The following USP10 variants were observed in gnomAD, a reference collection of about 807,000 sequenced individuals.
USP10 encodes ubiquitin specific peptidase 10.
A neutral mutation model predicts 84.5 loss-of-function variants in USP10; 22 were observed. The observed-to-expected ratio is 0.26, with a 90% CI of 0.19 to 0.37. The LOEUF is 0.37. USP10 is among the 10% of genes least tolerant of loss of function. The pLI is 1.00. For synonymous variants in USP10, 454 were observed against 387.6 expected, an observed-to-expected ratio of 1.17 and a Z score of -2.01; for missense variants, 1,019 against 998.9, an observed-to-expected ratio of 1.02 and a Z score of -0.27.
At chr16:84,760,842 G>C (rs1346597992) in intron 8 of USP10, among the ~76,000 whole-genome samples, 4 of 152,138 alleles carry the variant, frequency 2.6e-5, no homozygotes, top group African/African-American at 9.7e-5. Flanking sequence ...CCGTTAACTG[G>C]AGCATTTCTT....
chr16:84,752,846 A>G (rs898059189), intron 4 of USP10, among the ~76,000 whole-genome samples: 7 of 152,242 alleles, frequency 4.6e-5, no homozygotes, highest in Admixed American at 3.3e-4. Flanking sequence ...AGATGTTACA[A>G]AAGTGGACCT....
Position 84,758,807 on chromosome 16 carries a change from T to A in USP10, c.1284T>A (p.Ala428=). Residue 428 remains alanine, a splice_region_variant and synonymous_variant, in exon 5 of 14, where the codon GCT becomes GCA. Coordinates refer to ENST00000219473, the MANE Select transcript of USP10 (RefSeq NM_005153.3). ...AAGGGAACTGGTGCTACATTAATGC[T>A]GTATCCTTCCTGGACGCCGTCCGCA... ...INKGNWCYIN[A]TLQALVACPP... 2 of 1,611,682 alleles carry A rather than the reference T, an allele frequency of 1.2e-6. No individual in the cohort carries two copies. The highest frequency in any genetic ancestry group is 1.7e-6 in the Non-Finnish European group (2 of 1,177,790).
chr16:84,710,492 C>G (rs1906141302), intron 1 of USP10, among the ~76,000 whole-genome samples: 1 of 152,046 alleles, frequency 6.6e-6, no homozygotes, highest in Non-Finnish European at 1.5e-5. Flanking sequence ...GCAGGTAGCC[C>G]TTCAGTGTCC....
chr16:84,746,034 A>C (rs1178600489), intron 4 of USP10, among the ~76,000 whole-genome samples: 1 of 151,726 alleles, frequency 6.6e-6, no homozygotes, highest in Admixed American at 6.6e-5. Flanking sequence ...ATTTGTACTC[A>C]CTGTGTGCTC....
intron 4 of USP10, among the ~76,000 whole-genome samples, chr16:84,747,202 T>C (rs1911333730): frequency 1.3e-5 from 2 of 152,328 alleles, no homozygotes; most frequent in Middle Eastern, 3.4e-3. Flanking sequence ...GATCTTCAGA[T>C]TGTCACCCTA....
Position 84,733,427 on chromosome 16 carries a change from T to C in USP10, c.22-8T>C, listed in dbSNP as rs766244015. On this transcript the variant is annotated splice_polypyrimidine_tract_variant and splice_region_variant and intron_variant, in intron 1 of 13. Coordinates refer to ENST00000219473, the MANE Select transcript of USP10 (RefSeq NM_005153.3). Reference sequence around the variant, plus strand: ...TATGTGATCAGTGACTCTCTTATTTTTTTTCAGTATATTTTTGGAGATTTT... The same window carrying C: ...TATGTGATCAGTGACTCTCTTATTTCTTTTCAGTATATTTTTGGAGATTTT... The C allele has an allele frequency of 7.2e-5, 114 of 1,589,920 alleles. No homozygotes were observed. Among genetic ancestry groups the C allele is most frequent in the Non-Finnish European group, 9.5e-5 (111 of 1,165,744 alleles).
rs567195865 is a variant in USP10 at position 84,706,623 on chromosome 16, C to T, written c.21+6512C>T. On this transcript the variant is annotated intron_variant, in intron 1 of 13. Coordinates refer to ENST00000219473, the MANE Select transcript of USP10 (RefSeq NM_005153.3). Reference sequence around the variant, plus strand: ...TGGCGCAATCTCGGCTCACTGCAAGCTCCGCCTCCCGGGTTCACGCCATTC... The same window carrying T: ...TGGCGCAATCTCGGCTCACTGCAAGTTCCGCCTCCCGGGTTCACGCCATTC... Among the ~76,000 whole-genome samples the T allele has an allele frequency of 3.2e-4, 49 of 151,712 alleles. No homozygotes were observed. In the East Asian group the frequency reaches 7.5e-3, roughly 23 times the overall value.
At chr16:84,739,263 TTTTTGTTTTG>T (rs1007666915) in intron 2 of USP10, among the ~76,000 whole-genome samples, 2 of 150,836 alleles carry the variant, frequency 1.3e-5, no homozygotes, top group African/African-American at 4.9e-5. Flanking sequence ...GTTTGTTTTT[TTTTTGTTTTG>T]TTTTGTTTTG....
At position 84,716,955 on chromosome 16, in the gene USP10, G is replaced by A. The variant is rs564410812; in HGVS notation, c.22-16480G>A. The stretch of plus-strand genomic sequence containing the variant: ...GTCCAGAGCCATAGGGACAGTCACT[G>A]TGATAGCAGTGTGCTTGCTTCATAG... On this transcript the variant is annotated intron_variant, in intron 1 of 13. Coordinates refer to ENST00000219473, the MANE Select transcript of USP10 (RefSeq NM_005153.3). Among the ~76,000 whole-genome samples, 3 of 152,352 alleles carry A rather than the reference G, an allele frequency of 2.0e-5. No homozygotes were observed. In the South Asian group the frequency reaches 6.2e-4, roughly 32 times the overall value.
chr16:84,754,784 T>C (rs1912330744), intron 4 of USP10, among the ~76,000 whole-genome samples: 1 of 152,148 alleles, frequency 6.6e-6, no homozygotes, highest in Admixed American at 6.5e-5. Context: ...TTTGATTGCA[T>C]AGAGATTGAA....
intron 1 of USP10, among the ~76,000 whole-genome samples, chr16:84,720,226 C>G (rs1047753732): frequency 6.6e-6 from 1 of 152,204 alleles, no homozygotes; most frequent in African/African-American, 2.4e-5. Context: ...AGAGGAAGCT[C>G]TGCCGTGGCG....
chr16:84,709,792 G>GC (rs1906039468), intron 1 of USP10, among the ~76,000 whole-genome samples: 1 of 152,182 alleles, frequency 6.6e-6, no homozygotes, highest in African/African-American at 2.4e-5. Flanking sequence ...ACGGACAAGG[G>GC]CATGTGGAGG....
chr16:84,707,461 C>A (rs1410978128), intron 1 of USP10, among the ~76,000 whole-genome samples: 1 of 152,196 alleles, frequency 6.6e-6, no homozygotes, highest in Non-Finnish European at 1.5e-5. Context: ...AAGTCATTCC[C>A]TTCCTCTCTG....
intron 1 of USP10, among the ~76,000 whole-genome samples, chr16:84,722,420 A>G (rs1340094016): frequency 6.6e-6 from 1 of 152,118 alleles, no homozygotes; most frequent in East Asian, 1.9e-4. Flanking sequence ...ATAGGTTTTC[A>G]TTTCTTGTGG....
rs752715640 is a variant in USP10, at chr16:84,745,210, G to A, written c.729G>A (p.Glu243=). The change falls in exon 4 of 14, where the codon GAG becomes GAA. Residue 243 remains glutamate, a synonymous_variant. Coordinates refer to ENST00000219473, the MANE Select transcript of USP10 (RefSeq NM_005153.3). ...ACACCAGGACTGCAGGGCAGCCAGA[G>A]GGGGGCCCCGGGGCTGATTTTGGTC... is the stretch of plus-strand genomic sequence containing the variant. The part of the protein sequence containing the change: ...GSDTRTAGQP[E]GGPGADFGQS... The A allele has an allele frequency of 1.7e-5, 28 of 1,613,076 alleles. No homozygotes were observed. The highest frequency in any genetic ancestry group is 2.7e-5 in the African/African-American group (2 of 75,048).
chr16:84,777,141 A>G (rs921900400), intron 13 of USP10, among the ~76,000 whole-genome samples: 5 of 152,208 alleles, frequency 3.3e-5, no homozygotes, highest in Admixed American at 3.3e-4. Context: ...GGGAGAAGCA[A>G]TCTCGCGCAC....
chr16:84,764,939 A>AT (rs1555548055), intron 10 of USP10, among the ~76,000 whole-genome samples: 5,462 of 132,250 alleles, frequency 0.041, 150 homozygotes, highest in Middle Eastern at 0.053. Context: ...GAGAAAAAAA[A>AT]ATATATATAT....
At chr16:84,763,978 A>T in intron 9 of USP10, 108 bp from the exon 10 acceptor site, 3 of 1,381,988 alleles carry the variant, frequency 2.2e-6, no homozygotes, top group Non-Finnish European at 2.9e-6. Context: ...CCTAATGTAG[A>T]CCACACCCTG....
intron 1 of USP10, among the ~76,000 whole-genome samples, chr16:84,718,481 G>A (rs1008877862): frequency 5.3e-5 from 8 of 152,112 alleles, no homozygotes; most frequent in African/African-American, 9.7e-5. Flanking sequence ...TCTTCTGGCC[G>A]GGTGCGGTGG....
Sources: allele counts gnomAD v4.1 joint callset (sites outside exome capture counted in the v4.1 genomes callset), GRCh38; gene constraint gnomAD v4.1.1; transcripts MANE v1.5; gene names NCBI Gene and HGNC (gene_info 2026-07-23, HGNC 2026-07-21).